The following ASMTL variants were observed in gnomAD, a reference collection of about 807,000 sequenced individuals.
ASMTL encodes acetylserotonin O-methyltransferase like.
A neutral mutation model predicts 60.3 loss-of-function variants in ASMTL; 57 were observed. The ratio of observed to expected loss-of-function variants is 0.95; its 90% CI spans 0.76 to 1.18. ASMTL has a LOEUF of 1.18. Among genes scored for constraint, ASMTL ranks in the 50% most tolerant of loss-of-function variants. ASMTL has a pLI of 0.00. For missense variants in ASMTL, 981 were observed against 852.6 expected (o/e 1.15, Z -1.88); for synonymous variants, 419 against 373.0 (o/e 1.12, Z -1.42).
chrX:1,453,006 C>A (rs1338764416), upstream of ASMTL: 2 of 554,668 alleles, frequency 3.6e-6, no homozygotes, highest in African/African-American at 2.3e-5. Flanking sequence ...GTGGCCTCCC[C>A]GCGAGACCGC....
intron 12 of ASMTL, among the ~76,000 whole-genome samples, chrX:1,404,933 GGATA>G (rs1237500054): frequency 2.6e-5 from 4 of 151,812 alleles, no homozygotes; most frequent in Admixed American, 1.3e-4. Flanking sequence ...ATGTATGGAT[GGATA>G]GATGGATGCA....
intron 1 of ASMTL, among the ~76,000 whole-genome samples, chrX:1,446,351 G>C (rs2091230249): frequency 6.6e-6 from 1 of 151,902 alleles, no homozygotes. Context: ...ACCACCACCA[G>C]TCTCCGCGTC....
At chrX:1,451,339 TC>T (rs2091378108) in intron 1 of ASMTL, among the ~76,000 whole-genome samples, 1 of 116,518 alleles carries the variant, frequency 8.6e-6, no homozygotes, top group South Asian at 3.1e-4. Context: ...TGGGTCACTC[TC>T]CCCTCCCCAT....
rs1327977468 is a variant in ASMTL at position 1,452,825 on chromosome X, C to G, written c.16G>C (p.Val6Leu). The stretch of plus-strand genomic sequence containing the variant: ...CGCTTGTGCAGCAGCTTCCCAATCA[C>G]CGGGCACAGCACCATGGCGTCCACG... MVLCP[V>L]IGKLLHKRVV... Residue 6 changes from valine to leucine, a missense_variant, in exon 1 of 13, where the codon GTG (valine) becomes CTG (leucine). Coordinates refer to ENST00000381317, the MANE Select transcript of ASMTL (RefSeq NM_004192.4). 19 of 1,593,188 alleles carry G rather than the reference C, an allele frequency of 1.2e-5. No homozygotes were observed. In the East Asian group the frequency reaches 4.3e-4, roughly 36 times the overall value.
chrX:1,403,550 C>A, intron 12 of ASMTL, 61 bp from the exon 13 acceptor site: 1 of 1,466,330 alleles, frequency 6.8e-7, no homozygotes, highest in Non-Finnish European at 9.5e-7. Context: ...TTCAGCAGGA[C>A]ACAGGGGACA....
In ASMTL at chrX:1,432,373, A is replaced by T. The variant is rs1239292994; in HGVS notation, c.405T>A (p.His135Gln). Residue 135 changes from histidine (H) to glutamine (Q), a missense_variant, in exon 6 of 13, where the codon CAT becomes CAA. Physicochemically the swap from His to Gln is conservative, Grantham distance 24 (BLOSUM62 0). Transcript: ENST00000381317. ...ATTCCGAGACCCTGGTGTCCAGCTG[A>T]TGGTCTGCAAGGACACAGCCGTGGG... ...VAIVHCSSKD[H>Q]QLDTRVSEFY... 6.2e-7 allele frequency: 1 copy of T among 1,612,076 alleles called. No homozygotes were observed. The highest frequency in any genetic ancestry group is 1.7e-5 in the Admixed American group (1 of 59,854).
chrX:1,435,382 C>T (rs1262784941), intron 4 of ASMTL: 6 of 604,660 alleles, frequency 9.9e-6, no homozygotes, highest in Admixed American at 2.9e-5. Flanking sequence ...ATGGGGATGA[C>T]GTCCCAGGCT....
chrX:1,435,705 C>A lies in ASMTL; in HGVS notation c.327G>T (p.Arg109Ser). 2.5e-6 allele frequency: 4 copies of A among 1,613,608 alleles called. No individual in the cohort carries two copies. The highest frequency in any genetic ancestry group is 2.5e-6 in the Non-Finnish European group (3 of 1,179,836). The change falls in exon 4 of 13, where the codon AGG becomes AGT. Residue 109 changes from arginine (R) to serine (S), a missense_variant. Arg to Ser is a moderately radical substitution (Grantham distance 110). Transcript: ENST00000381317. The part of the protein sequence containing the change: ...EKPVDKQDAY[R>S]MLSRLSGREH... ...AACATGGTGCTTACCGGGACAGCATCCTGTAGGCGTCCTGCTTGTCCACCG... is the reference window on the plus strand; with the variant it reads ...AACATGGTGCTTACCGGGACAGCATACTGTAGGCGTCCTGCTTGTCCACCG...
intron 1 of ASMTL, among the ~76,000 whole-genome samples, chrX:1,452,027 C>T (rs1246153512): frequency 6.7e-6 from 1 of 148,192 alleles, no homozygotes; most frequent in Non-Finnish European, 1.5e-5. Context: ...CTCTCCAACC[C>T]CATCCCTAAG....
Position 1,421,728 on chromosome X carries a change from T to G in ASMTL, c.1175A>C (p.Glu392Ala), listed in dbSNP as rs1328846643. 3 of 1,613,822 alleles carry G rather than the reference T, an allele frequency of 1.9e-6. No homozygotes were observed. Among genetic ancestry groups the G allele is most frequent in the African/African-American group, 2.7e-5 (2 of 74,902 alleles). ...GTTTGTTCCCTCTCGGATGGCAAAC[T>G]CCAGGTATGTAAAGAGGTTCCATGT... is the stretch of plus-strand genomic sequence containing the variant. ...DLTWNLFTYL[E>A]FAIREGTNQH... The change falls in exon 9 of 13, where the codon GAG (glutamate) becomes GCG (alanine). Residue 392 changes from glutamate to alanine, a missense_variant. Coordinates refer to ENST00000381317, the MANE Select transcript of ASMTL (RefSeq NM_004192.4).
At chrX:1,421,507 C>G in intron 9 of ASMTL, 151 bp downstream of exon 9, 1 of 760,374 alleles carries the variant, frequency 1.3e-6, no homozygotes, top group South Asian at 1.8e-5. Flanking sequence ...ACAAGAGCCA[C>G]GGCACTAAGT....
intron 6 of ASMTL, among the ~76,000 whole-genome samples, chrX:1,429,675 T>C (rs1304143467): frequency 2.6e-5 from 4 of 151,872 alleles, no homozygotes; most frequent in Admixed American, 2.6e-4. Flanking sequence ...TGGGTGCCTG[T>C]AGTCCCAGCT....
rs767434022 is a variant in ASMTL, at chrX:1,432,378, C to A, written c.401-1G>T. On this transcript the variant is annotated splice_acceptor_variant, in intron 5 of 12. Coordinates refer to ENST00000381317, the MANE Select transcript of ASMTL (RefSeq NM_004192.4). LOFTEE classifies it high-confidence loss of function. ...GAGACCCTGGTGTCCAGCTGATGGT[C>A]TGCAAGGACACAGCCGTGGGGGTGA... The A allele has an allele frequency of 6.2e-7, 1 of 1,611,712 alleles. No homozygotes were observed. The highest frequency in any genetic ancestry group is 1.1e-5 in the South Asian group (1 of 90,828).
chrX:1,441,997 CT>C (rs1288955088), intron 2 of ASMTL, 188 bp downstream of exon 2: 31 of 651,324 alleles, frequency 4.8e-5, no homozygotes, highest in African/African-American at 4.3e-4. Context: ...TCCATTAATT[CT>C]GTATCATTAA....
chrX:1,432,149 C>T, intron 6 of ASMTL, 120 bp downstream of exon 6: 1 of 794,876 alleles, frequency 1.3e-6, no homozygotes, highest in South Asian at 1.6e-5. Context: ...TCTCCCTGTG[C>T]CACACGGCCC....
chrX:1,419,187 CGG>C (rs1345501019), intron 9 of ASMTL, 73 bp from the exon 10 acceptor site: 7 of 1,566,396 alleles, frequency 4.5e-6, no homozygotes, highest in Non-Finnish European at 6.1e-6. Flanking sequence ...CCCTGGGGGT[CGG>C]GGGGAGAAGT....
chrX:1,439,272 G>A, intron 2 of ASMTL, 128 bp from the exon 3 acceptor site: 2 of 901,792 alleles, frequency 2.2e-6, no homozygotes, highest in South Asian at 3.1e-5. Context: ...AGTGAAGGCT[G>A]GGGGTGCTCA....
intron 8 of ASMTL, among the ~76,000 whole-genome samples, chrX:1,422,987 C>CT (rs2090520488): frequency 6.6e-6 from 1 of 152,150 alleles, no homozygotes; most frequent in African/African-American, 2.4e-5. Flanking sequence ...GAGTCTCACT[C>CT]TGTCCCCCAG....
chrX:1,415,087 C>T (rs775746114), intron 11 of ASMTL, among the ~76,000 whole-genome samples: 23 of 152,142 alleles, frequency 1.5e-4, no homozygotes, highest in Admixed American at 1.0e-3. Context: ...ATTATAGGCA[C>T]CCGCCACCAT....
Sources: allele counts gnomAD v4.1 joint callset (sites outside exome capture counted in the v4.1 genomes callset), GRCh38; gene constraint gnomAD v4.1.1; transcripts MANE v1.5; gene names NCBI Gene and HGNC (gene_info 2026-07-23, HGNC 2026-07-21).